The following TAF4 variants were observed in gnomAD, a reference collection of about 807,000 sequenced individuals.
The protein encoded by TAF4 is TATA-box binding protein associated factor 4.
Under a neutral mutation model 90.3 loss-of-function variants are expected in TAF4, and 9 were observed. The observed-to-expected ratio is 0.10, with a 90% CI of 0.06 to 0.17. TAF4 has a LOEUF of 0.17. TAF4 is among the 10% of genes least tolerant of loss of function. The pLI, the probability that TAF4 is intolerant of heterozygous loss-of-function variation, is 1.00. For synonymous variants in TAF4, 818 were observed against 638.9 expected (o/e 1.28, Z -4.23); for missense variants, 1,351 against 1,370.7 (o/e 0.99, Z 0.23).
At chr20:61,993,843 C>G (rs2123114976) in intron 14 of TAF4, among the ~76,000 whole-genome samples, 1 of 152,272 alleles carries the variant, frequency 6.6e-6, no homozygotes, top group Non-Finnish European at 1.5e-5. Context: ...ACCTCCGCCT[C>G]CAGGGTTCAA....
At chr20:62,011,937 A>C (rs1169127863) in intron 3 of TAF4, among the ~76,000 whole-genome samples, 1 of 152,142 alleles carries the variant, frequency 6.6e-6, no homozygotes, top group Non-Finnish European at 1.5e-5. Context: ...TGCCCAGAGA[A>C]AGCTGCTTCC....
At chr20:62,031,189 G>A (rs1345127091) in intron 1 of TAF4, among the ~76,000 whole-genome samples, 1 of 152,176 alleles carries the variant, frequency 6.6e-6, no homozygotes, top group Non-Finnish European at 1.5e-5. Context: ...AGCCTCATGT[G>A]ACTTCACTGA....
chr20:62,043,925 C>A (rs145557526), intron 1 of TAF4, among the ~76,000 whole-genome samples: 151 of 152,338 alleles, frequency 9.9e-4, no homozygotes, highest in African/African-American at 3.5e-3. Context: ...TCTAAGCCCA[C>A]TGCAGGCTGG....
chr20:62,021,345 A>AAGGGAGGAAC (rs1274157686), intron 1 of TAF4, among the ~76,000 whole-genome samples: 1 of 152,260 alleles, frequency 6.6e-6, no homozygotes, highest in African/African-American at 2.4e-5. Context: ...GATGAAGCAG[A>AAGGGAGGAAC]AGGGAGGAAC....
At chr20:61,978,738 C>T (rs1049503444) in intron 14 of TAF4, among the ~76,000 whole-genome samples, 26 of 152,268 alleles carry the variant, frequency 1.7e-4, no homozygotes, top group Admixed American at 7.8e-4. Context: ...CAAGGCCAGA[C>T]GGTGCCTCCT....
At chr20:62,047,880 A>G (rs868486834) in intron 1 of TAF4, among the ~76,000 whole-genome samples, 4 of 152,206 alleles carry the variant, frequency 2.6e-5, no homozygotes, top group South Asian at 2.1e-4. Flanking sequence ...TATTTTTATA[A>G]ACACCAGCAC....
intron 14 of TAF4, among the ~76,000 whole-genome samples, chr20:61,982,497 A>G (rs2055555067): frequency 1.7e-5 from 2 of 119,080 alleles, no homozygotes; most frequent in African/African-American, 6.5e-5. Context: ...CAAAACCCAC[A>G]CCCACCTGAG....
At chr20:62,014,745 A>T in intron 1 of TAF4, 38 bp from the exon 2 acceptor site, 3 of 1,604,606 alleles carry the variant, frequency 1.9e-6, no homozygotes, top group Non-Finnish European at 1.7e-6. Context: ...GAACGCAACC[A>T]CCCCAGAGCC....
At chr20:62,021,953 C>T (rs1243770631) in intron 1 of TAF4, among the ~76,000 whole-genome samples, 2 of 152,290 alleles carry the variant, frequency 1.3e-5, no homozygotes, top group Non-Finnish European at 2.9e-5. Flanking sequence ...GGTCCAAAGC[C>T]CGGGAGGGCG....
At chr20:62,000,297 C>T (rs1040096434) in intron 10 of TAF4, 43 bp from the exon 11 acceptor site, 3 of 1,601,320 alleles carry the variant, frequency 1.9e-6, no homozygotes, top group Admixed American at 1.7e-5. Context: ...AATCATTAAG[C>T]ACAGTTCTTT....
At chr20:62,024,219 G>GA (rs1195062155) in intron 1 of TAF4, among the ~76,000 whole-genome samples, 2 of 152,138 alleles carry the variant, frequency 1.3e-5, no homozygotes, top group East Asian at 3.9e-4. Flanking sequence ...TCACATGCTG[G>GA]AACAACTGGA....
At chr20:62,042,954 T>C (rs2055972609) in intron 1 of TAF4, among the ~76,000 whole-genome samples, 1 of 152,140 alleles carries the variant, frequency 6.6e-6, no homozygotes, top group African/African-American at 2.4e-5. Flanking sequence ...CCTGACTCTG[T>C]AGGCCTAGGC....
chr20:62,028,670 G>A (rs1217310097), intron 1 of TAF4, among the ~76,000 whole-genome samples: 1 of 152,190 alleles, frequency 6.6e-6, no homozygotes, highest in East Asian at 1.9e-4. Flanking sequence ...GCAGAGCCCT[G>A]CTGCAAACTT....
intron 14 of TAF4, among the ~76,000 whole-genome samples, chr20:61,983,611 G>C (rs2055564078): frequency 6.6e-6 from 1 of 152,182 alleles, no homozygotes; most frequent in Non-Finnish European, 1.5e-5. Context: ...GTTGCAGTGA[G>C]CTATGATCAC....
At chr20:62,062,442 A>C (rs1176705216) in intron 1 of TAF4, among the ~76,000 whole-genome samples, 1 of 152,098 alleles carries the variant, frequency 6.6e-6, no homozygotes, top group Non-Finnish European at 1.5e-5. Flanking sequence ...CAAATAACAT[A>C]ATCAAAATTC....
chr20:62,052,829 C>T (rs1478793468), intron 1 of TAF4, among the ~76,000 whole-genome samples: 4 of 145,908 alleles, frequency 2.7e-5, no homozygotes, highest in Non-Finnish European at 6.1e-5. Context: ...CCAGATCCCT[C>T]GCGCCATCCC....
intron 1 of TAF4, among the ~76,000 whole-genome samples, chr20:62,051,839 G>C (rs981978620): frequency 9.8e-5 from 15 of 152,332 alleles, no homozygotes; most frequent in Admixed American, 9.8e-4. Flanking sequence ...CCGGGTAGCA[G>C]GGATGCAGTG....
At chr20:62,028,558 G>A (rs560326216) in intron 1 of TAF4, among the ~76,000 whole-genome samples, 4 of 152,162 alleles carry the variant, frequency 2.6e-5, no homozygotes, top group Admixed American at 2.0e-4. Context: ...ACTGCGGGGC[G>A]ACTGTATCTG....
In TAF4 at chr20:62,010,076, T is replaced by G; in HGVS notation, c.1731A>C (p.Pro577=). The change falls in exon 4 of 15, where the codon CCA becomes CCC. Residue 577 remains proline, a synonymous_variant. Coordinates refer to ENST00000252996, the MANE Select transcript of TAF4 (RefSeq NM_003185.4). This position sits in a 1 kb window ranked among gnomAD's most constrained non-coding sequence, Gnocchi z 4.5. ...CAGCTGAGGAAGTGGTGGTCGCCCC[T>G]GGTACCGTGCGCTGAGGAGTCCCCG... The part of the protein sequence containing the change: ...VQTGTPQRTV[P]GATTTSSAAT... 1 of 1,613,430 alleles carries G rather than the reference T, an allele frequency of 6.2e-7. No homozygotes were observed. The highest frequency in any genetic ancestry group is 8.5e-7 in the Non-Finnish European group (1 of 1,179,932).
Sources: allele counts gnomAD v4.1 joint callset (sites outside exome capture counted in the v4.1 genomes callset), GRCh38; gene constraint gnomAD v4.1.1; non-coding constraint Gnocchi (gnomAD v3.1); transcripts MANE v1.5; gene names NCBI Gene and HGNC (gene_info 2026-07-23, HGNC 2026-07-21).